The following AFG2A variants were observed in gnomAD, a reference collection of about 807,000 sequenced individuals.
The protein encoded by AFG2A is AAA ATPase AFG2A.
At chr4:123,244,454 T>C in the AFG2A span, among the ~76,000 whole-genome samples, 1 of 152,208 alleles carries the variant, frequency 6.6e-6, no homozygotes, top group Admixed American at 6.5e-5. Context: ...TATCCACAGC[T>C]CTGCATCACC....
At chr4:122,962,355 T>C in the AFG2A span, among the ~76,000 whole-genome samples, 1 of 152,190 alleles carries the variant, frequency 6.6e-6, no homozygotes, top group African/African-American at 2.4e-5. Flanking sequence ...ATGAATTTTC[T>C]CCTCTGTTTT....
chr4:123,084,993 G>GT, the AFG2A span, among the ~76,000 whole-genome samples: 1 of 150,834 alleles, frequency 6.6e-6, no homozygotes, highest in Non-Finnish European at 1.5e-5. Context: ...CAAGTGTGTT[G>GT]TTCAGTCTTT....
chr4:123,307,423 G>T, the AFG2A span, among the ~76,000 whole-genome samples: 6 of 152,046 alleles, frequency 3.9e-5, no homozygotes, highest in African/African-American at 9.7e-5. Context: ...TATCTCATTA[G>T]GTTTTCCTAT....
the AFG2A span, among the ~76,000 whole-genome samples, chr4:122,963,546 G>A: frequency 1.3e-5 from 2 of 152,118 alleles, no homozygotes; most frequent in Admixed American, 1.3e-4. Context: ...TGTAGTTGAG[G>A]AAACTTATGT....
the AFG2A span, among the ~76,000 whole-genome samples, chr4:123,234,040 A>T: frequency 6.6e-6 from 1 of 152,136 alleles, no homozygotes; most frequent in African/African-American, 2.4e-5. Context: ...GAAAATAAGC[A>T]CACGTCTTAC....
the AFG2A span, among the ~76,000 whole-genome samples, chr4:123,245,606 C>A: frequency 6.6e-6 from 1 of 151,592 alleles, no homozygotes; most frequent in African/African-American, 2.4e-5. Flanking sequence ...ATTTTTTTTT[C>A]TTCTGTTCTC....
the AFG2A span, among the ~76,000 whole-genome samples, chr4:123,164,240 T>A: frequency 6.6e-6 from 1 of 152,228 alleles, no homozygotes. Flanking sequence ...GCCCCAGTTC[T>A]TCCATATTTT....
chr4:122,937,823 T>C, the AFG2A span, among the ~76,000 whole-genome samples: 4 of 152,188 alleles, frequency 2.6e-5, no homozygotes, highest in Non-Finnish European at 5.9e-5. Flanking sequence ...ATTGATCCAG[T>C]CATAACAACT....
chr4:123,257,746 G>A, the AFG2A span, among the ~76,000 whole-genome samples: 1 of 152,196 alleles, frequency 6.6e-6, no homozygotes, highest in Non-Finnish European at 1.5e-5. Context: ...GCAGGAAACA[G>A]CAAGAGGAAG....
the AFG2A span, among the ~76,000 whole-genome samples, chr4:122,960,603 AT>A: frequency 6.6e-6 from 1 of 152,186 alleles, no homozygotes; most frequent in African/African-American, 2.4e-5. Flanking sequence ...TTCTTACCAA[AT>A]TCTCAGGCCT....
the AFG2A span, among the ~76,000 whole-genome samples, chr4:123,268,459 TCAAGA>T: frequency 6.6e-6 from 1 of 152,170 alleles, no homozygotes; most frequent in Non-Finnish European, 1.5e-5. Flanking sequence ...GAGAAAACTA[TCAAGA>T]CTTCTTTCCA....
the AFG2A span, among the ~76,000 whole-genome samples, chr4:122,928,124 C>T: frequency 6.6e-6 from 1 of 152,162 alleles, no homozygotes; most frequent in Non-Finnish European, 1.5e-5. Flanking sequence ...ATAGTAGCCC[C>T]TAAAATGTTA....
the AFG2A span, among the ~76,000 whole-genome samples, chr4:123,159,218 C>T: frequency 2.4e-4 from 36 of 152,038 alleles, no homozygotes; most frequent in African/African-American, 7.5e-4. Context: ...TTTATTATTT[C>T]GTTTTCTTTT....
chr4:123,168,815 G>C, the AFG2A span, among the ~76,000 whole-genome samples: 1 of 152,216 alleles, frequency 6.6e-6, no homozygotes, highest in Non-Finnish European at 1.5e-5. Context: ...GGGAAACTCA[G>C]TATTACCATG....
At chr4:122,952,927 T>C in the AFG2A span, among the ~76,000 whole-genome samples, 1 of 152,138 alleles carries the variant, frequency 6.6e-6, no homozygotes, top group Non-Finnish European at 1.5e-5. Flanking sequence ...GTGCATACAT[T>C]GGGGGGACTG....
At chr4:123,216,057 C>T in the AFG2A span, among the ~76,000 whole-genome samples, 1 of 152,010 alleles carries the variant, frequency 6.6e-6, no homozygotes, top group Non-Finnish European at 1.5e-5. Flanking sequence ...CCTGCCTTAC[C>T]TACTGAATCT....
chr4:123,098,875 A>G, the AFG2A span, among the ~76,000 whole-genome samples: 3 of 152,044 alleles, frequency 2.0e-5, no homozygotes, highest in African/African-American at 7.2e-5. Context: ...CTTTGGATAT[A>G]TACTCAATAG....
At chr4:123,227,104 C>A in the AFG2A span, among the ~76,000 whole-genome samples, 11 of 151,716 alleles carry the variant, frequency 7.3e-5, no homozygotes. Context: ...TCTCTCTTTT[C>A]TTCTTTATTA....
the AFG2A span, among the ~76,000 whole-genome samples, chr4:123,049,607 A>G: frequency 4.0e-4 from 60 of 151,828 alleles, no homozygotes; most frequent in Non-Finnish European, 8.0e-4. Context: ...AGATTTTCCC[A>G]TTTGTTGGAG....
Sources: gnomAD v4.1 joint callset for allele counts (sites outside exome capture counted in the v4.1 genomes callset) on GRCh38, gnomAD v4.1.1 for gene constraint, MANE v1.5 for transcripts, NCBI Gene and HGNC (gene_info 2026-07-23, HGNC 2026-07-21) for gene names.